RBFOX1: variants seen among roughly 807,000 people sequenced by gnomAD.
RBFOX1 encodes the protein RNA binding protein fox-1 homolog 1.
A neutral mutation model predicts 57.7 loss-of-function variants in RBFOX1; 8 were observed. The ratio of observed to expected loss-of-function variants is 0.14; its 90% CI spans 0.08 to 0.25. The LOEUF is 0.25. RBFOX1 is among the 10% of genes least tolerant of loss of function. RBFOX1 has a pLI of 1.00. For synonymous variants in RBFOX1, 326 were observed against 222.4 expected, an observed-to-expected ratio of 1.47 and a Z score of -4.15; for missense variants, 611 against 548.5, an observed-to-expected ratio of 1.11 and a Z score of -1.14.
intron 3 of RBFOX1, among the ~76,000 whole-genome samples, chr16:5,774,016 A>G (rs2054064835): frequency 6.6e-6 from 1 of 152,100 alleles, no homozygotes; most frequent in Non-Finnish European, 1.5e-5. Flanking sequence ...TTTAATCGAT[A>G]CTGCCCATTT....
chr16:5,671,044 G>C (rs1182551313), intron 3 of RBFOX1, among the ~76,000 whole-genome samples: 1 of 152,202 alleles, frequency 6.6e-6, no homozygotes, highest in Non-Finnish European at 1.5e-5. Context: ...GAGTAAATGA[G>C]GACATCAGCA....
chr16:6,692,820 C>T (rs1318564428), intron 3 of RBFOX1, among the ~76,000 whole-genome samples: 3 of 152,122 alleles, frequency 2.0e-5, no homozygotes, highest in Admixed American at 6.6e-5. Flanking sequence ...CTACCATCAT[C>T]ATCAACATTA....
intron 3 of RBFOX1, among the ~76,000 whole-genome samples, chr16:6,672,291 A>G (rs1438497703): frequency 6.6e-6 from 1 of 152,124 alleles, no homozygotes; most frequent in Non-Finnish European, 1.5e-5. Context: ...ATATAAATAT[A>G]CATCCAATAT....
At chr16:7,574,588 A>T (rs1278938763) in intron 5 of RBFOX1, among the ~76,000 whole-genome samples, 2 of 152,000 alleles carry the variant, frequency 1.3e-5, no homozygotes, top group Non-Finnish European at 2.9e-5. Context: ...AGGCTGGAAG[A>T]CTCAGCCAGT....
chr16:5,475,210 A>G (rs117635536), intron 2 of RBFOX1, among the ~76,000 whole-genome samples: 1,703 of 152,302 alleles, frequency 0.011, 15 homozygotes, highest in Middle Eastern at 0.017. Flanking sequence ...TATTTATTAC[A>G]AAGACTTTTC....
intron 4 of RBFOX1, among the ~76,000 whole-genome samples, chr16:7,397,755 T>C (rs1397426731): frequency 1.3e-5 from 2 of 152,058 alleles, no homozygotes; most frequent in African/African-American, 4.8e-5. Context: ...GCTCTTAGAG[T>C]TTAAGTAATA....
Position 7,242,537 on chromosome 16 carries a change from T to C in RBFOX1, c.27+190439T>C, listed in dbSNP as rs189765268. On this transcript the variant is annotated intron_variant, in intron 4 of 15. Transcript: ENST00000550418. ...TTACACATTGACTAAGGAAATGGAATGGTCTGGAACACGTGGCAACTTGGA... is the reference window on the plus strand; with the variant it reads ...TTACACATTGACTAAGGAAATGGAACGGTCTGGAACACGTGGCAACTTGGA... 2.6e-5 allele frequency among the ~76,000 whole-genome samples: 4 copies of C among 152,332 alleles called. No individual in the cohort carries two copies. In the East Asian group the frequency reaches 5.8e-4, roughly 22 times the overall value.
chr16:6,785,362 A>G (rs1039645308), intron 3 of RBFOX1, among the ~76,000 whole-genome samples: 3 of 152,170 alleles, frequency 2.0e-5, no homozygotes, highest in South Asian at 4.1e-4. Context: ...TGCCCTGTGT[A>G]TAGAGCTTTT....
intron 4 of RBFOX1, among the ~76,000 whole-genome samples, chr16:7,201,553 A>G (rs72636223): frequency 0.18 from 27,052 of 150,200 alleles, 2,597 homozygotes; most frequent in East Asian, 0.37. Flanking sequence ...CCTCTGCCCC[A>G]CTGGGTTCAA....
At position 6,790,353 on chromosome 16, in the gene RBFOX1, T is replaced by G. The variant is rs183799464; in HGVS notation, c.-16+135703T>G. 9.6e-3 allele frequency among the ~76,000 whole-genome samples: 1,459 copies of G among 151,916 alleles called. 27 individuals are homozygous for G. Among genetic ancestry groups the G allele is most frequent in the African/African-American group, 0.033 (1,373 of 41,416 alleles). On this transcript the variant is annotated intron_variant, in intron 3 of 15. Coordinates refer to ENST00000550418, the MANE Select transcript of RBFOX1 (RefSeq NM_018723.4). ...GCACCCGCCACCATGCCTGGCTAATTTTTGTATTTTTAGTAGAGATGGGGT... is the reference window on the plus strand; with the variant it reads ...GCACCCGCCACCATGCCTGGCTAATGTTTGTATTTTTAGTAGAGATGGGGT...
chr16:5,768,464 CTGTCAGGAAGGGGTACG>C (rs1417224846), intron 3 of RBFOX1, among the ~76,000 whole-genome samples: 1 of 152,166 alleles, frequency 6.6e-6, no homozygotes, highest in East Asian at 1.9e-4. Context: ...CCACGTGGCC[CTGTCAGGAAGGGGTACG>C]TGGCAGACAG....
chr16:7,550,711 G>C (rs146539319), intron 5 of RBFOX1, among the ~76,000 whole-genome samples: 2 of 152,204 alleles, frequency 1.3e-5, no homozygotes, highest in East Asian at 1.9e-4. Flanking sequence ...ACTCACTGGA[G>C]GGCACCTACA....
intron 4 of RBFOX1, among the ~76,000 whole-genome samples, chr16:7,255,288 A>C (rs1156296829): frequency 1.3e-5 from 2 of 152,238 alleles, no homozygotes; most frequent in Admixed American, 6.5e-5. Flanking sequence ...TGCTATTTCC[A>C]TTCTATCACA....
At chr16:5,794,592 T>C (rs190157354) in intron 3 of RBFOX1, among the ~76,000 whole-genome samples, 12 of 152,206 alleles carry the variant, frequency 7.9e-5, no homozygotes, top group African/African-American at 2.6e-4. Flanking sequence ...GGTCAGATGT[T>C]GTGTGTCAAG....
chr16:6,270,141 C>G (rs2075028442), intron 1 of RBFOX1, among the ~76,000 whole-genome samples: 1 of 151,440 alleles, frequency 6.6e-6, no homozygotes, highest in African/African-American at 2.4e-5. Flanking sequence ...ATTTCAGCAA[C>G]CTAGAGAAAG....
At chr16:7,502,470 T>C (rs1437816985) in intron 4 of RBFOX1, among the ~76,000 whole-genome samples, 1 of 152,162 alleles carries the variant, frequency 6.6e-6, no homozygotes, top group Non-Finnish European at 1.5e-5. Context: ...ATATCATGCC[T>C]CCACAAAGCC....
At chr16:6,293,891 TGAG>T (rs1484870054) in intron 1 of RBFOX1, among the ~76,000 whole-genome samples, 5 of 12,874 alleles carry the variant, frequency 3.9e-4, no homozygotes, top group African/African-American at 8.0e-4. Context: ...AATTCCAGGG[TGAG>T]CGGGGGGGTG....
intron 3 of RBFOX1, among the ~76,000 whole-genome samples, chr16:6,674,734 A>G (rs1206338975): frequency 2.0e-5 from 3 of 152,168 alleles, no homozygotes; most frequent in Non-Finnish European, 4.4e-5. Flanking sequence ...CAAGCCAAGG[A>G]GCACGAGGGG....
intron 3 of RBFOX1, among the ~76,000 whole-genome samples, chr16:5,806,227 T>C (rs1034117683): frequency 2.0e-5 from 3 of 152,184 alleles, no homozygotes; most frequent in Admixed American, 6.5e-5. Flanking sequence ...TATAACAAAA[T>C]GATGAGACTG....
Sources: allele counts gnomAD v4.1 joint callset (sites outside exome capture counted in the v4.1 genomes callset), GRCh38; gene constraint gnomAD v4.1.1; transcripts MANE v1.5; gene names NCBI Gene and HGNC (gene_info 2026-07-23, HGNC 2026-07-21).